The following LRRC7 variants were observed in gnomAD, a reference collection of about 807,000 sequenced individuals.
The protein encoded by LRRC7 is leucine rich repeat containing 7.
In LRRC7, 23 loss-of-function variants were observed where a neutral mutation model predicts 175.7. The ratio of observed to expected loss-of-function variants is 0.13; its 90% confidence interval spans 0.09 to 0.19. The LOEUF (loss-of-function observed/expected upper bound fraction) is 0.19. LRRC7 is among the 10% of genes least tolerant of loss of function. The pLI, the probability that LRRC7 is intolerant of heterozygous loss-of-function variation, is 1.00. For missense variants in LRRC7, 1,354 were observed against 1,904.7 expected, an observed-to-expected ratio of 0.71 and a Z score of 5.38; for synonymous variants, 685 against 680.9, an observed-to-expected ratio of 1.01 and a Z score of -0.09.
chr1:69,610,787 GA>G (rs1293864325), intron 1 of LRRC7, among the ~76,000 whole-genome samples: 3 of 151,394 alleles, frequency 2.0e-5, no homozygotes, highest in Non-Finnish European at 4.4e-5. Flanking sequence ...ACAAACATAA[GA>G]AAAAAATACT....
At chr1:69,670,325 C>G (rs1658892861) in intron 1 of LRRC7, among the ~76,000 whole-genome samples, 1 of 152,188 alleles carries the variant, frequency 6.6e-6, no homozygotes, top group South Asian at 2.1e-4. Flanking sequence ...TTCTTGCAAA[C>G]ATAGAGGTAC....
At chr1:69,650,456 C>CG (rs1451387978) in intron 1 of LRRC7, among the ~76,000 whole-genome samples, 1 of 146,302 alleles carries the variant, frequency 6.8e-6, no homozygotes, top group African/African-American at 2.6e-5. Context: ...TGGAGAATGG[C>CG]GTGAACCTGG....
intron 5 of LRRC7, 40 bp from the exon 6 acceptor site, chr1:69,834,740 C>A: frequency 7.0e-7 from 1 of 1,430,624 alleles, no homozygotes; most frequent in Non-Finnish European, 9.8e-7. Context: ...GTTTCTATAG[C>A]AACATCAATG....
At chr1:69,636,356 T>C (rs751537452) in intron 1 of LRRC7, among the ~76,000 whole-genome samples, 3 of 151,834 alleles carry the variant, frequency 2.0e-5, no homozygotes, top group Non-Finnish European at 4.4e-5. Context: ...TATATTCTCC[T>C]CACCAATAAA....
intron 2 of LRRC7, among the ~76,000 whole-genome samples, chr1:69,682,858 T>A (rs1660671497): frequency 6.6e-6 from 1 of 152,180 alleles, no homozygotes; most frequent in Non-Finnish European, 1.5e-5. Flanking sequence ...TGCTCAACTT[T>A]CTCTTTTCAG....
intron 26 of LRRC7, among the ~76,000 whole-genome samples, chr1:70,110,931 A>G (rs912844482): frequency 6.6e-6 from 1 of 151,962 alleles, no homozygotes; most frequent in Admixed American, 6.5e-5. Context: ...GAATGCTGGG[A>G]AAAAATGGGT....
chr1:70,023,718 T>C (rs577177409), intron 17 of LRRC7, among the ~76,000 whole-genome samples: 2 of 152,136 alleles, frequency 1.3e-5, no homozygotes, highest in South Asian at 4.1e-4. Context: ...TTCTAAATTG[T>C]CTCCTCCACA....
chr1:70,112,287 T>C (rs1035593439), intron 26 of LRRC7, among the ~76,000 whole-genome samples: 5 of 152,172 alleles, frequency 3.3e-5, no homozygotes, highest in Non-Finnish European at 7.3e-5. Context: ...TCAGAGCATC[T>C]TCTCTTGGCC....
At chr1:69,885,404 A>ACC (rs1687077622) in intron 7 of LRRC7, among the ~76,000 whole-genome samples, 1 of 145,492 alleles carries the variant, frequency 6.9e-6, no homozygotes, top group Admixed American at 6.8e-5. Context: ...TTATTTGCGT[A>ACC]GAGGTGTTTG....
chr1:69,687,299 G>A lies in LRRC7; in HGVS notation c.100+8821G>A, dbSNP rs549733723. Among the ~76,000 whole-genome samples the A allele has an allele frequency of 4.6e-5, 7 of 151,956 alleles. No homozygotes were observed. In the East Asian group the frequency reaches 7.8e-4, roughly 17 times the overall value. On this transcript the variant is annotated intron_variant, in intron 2 of 26. Transcript: ENST00000651989. Reference sequence around the variant, plus strand: ...TGAGGAGAGTGAATCACCAGAGGTCGGGAATTCGACACCAGTCTGGCCAAG... The same window carrying A: ...TGAGGAGAGTGAATCACCAGAGGTCAGGAATTCGACACCAGTCTGGCCAAG...
intron 8 of LRRC7, among the ~76,000 whole-genome samples, chr1:69,940,126 T>C (rs1648557428): frequency 6.6e-6 from 1 of 152,140 alleles, no homozygotes; most frequent in African/African-American, 2.4e-5. Context: ...TCAATTAAAA[T>C]GAACTTTCTG....
At chr1:69,722,564 A>G (rs1666478592) in intron 2 of LRRC7, among the ~76,000 whole-genome samples, 2 of 152,082 alleles carry the variant, frequency 1.3e-5, no homozygotes, top group African/African-American at 4.8e-5. Flanking sequence ...AAAAGCTGTG[A>G]TGGTTTACAT....
rs1390220478 is a variant in LRRC7, at chr1:69,922,263, G to A, written c.648-9244G>A. 2.0e-5 allele frequency among the ~76,000 whole-genome samples: 3 copies of A among 152,020 alleles called. No individual in the cohort carries two copies. The East Asian group carries it at 5.8e-4, about 29-fold the overall frequency. On this transcript the variant is annotated intron_variant, in intron 7 of 26. Coordinates refer to ENST00000651989, the MANE Select transcript of LRRC7 (RefSeq NM_001370785.2). ...TATTCCTGCTAACCTGCAGTTCCTT[G>A]AATGCACCATGATCTCTTCCATCCT...
intron 1 of LRRC7, among the ~76,000 whole-genome samples, chr1:69,574,060 A>T (rs1387722979): frequency 6.6e-6 from 1 of 152,168 alleles, no homozygotes; most frequent in Non-Finnish European, 1.5e-5. Flanking sequence ...TAGTATCATA[A>T]CAAATGGCTT....
chr1:69,625,358 AT>A (rs1050615781), intron 1 of LRRC7, among the ~76,000 whole-genome samples: 3 of 82,460 alleles, frequency 3.6e-5, no homozygotes, highest in African/African-American at 1.1e-4. Context: ...TACCTCCACT[AT>A]TTTTTTTTCT....
chr1:70,119,340 T>C (rs1011064084), intron 26 of LRRC7, among the ~76,000 whole-genome samples: 30 of 152,058 alleles, frequency 2.0e-4, no homozygotes, highest in African/African-American at 7.2e-4. Flanking sequence ...TCAGCATATA[T>C]GTACTGAGGG....
intron 25 of LRRC7, among the ~76,000 whole-genome samples, chr1:70,105,023 A>G (rs1407017284): frequency 2.0e-5 from 3 of 152,182 alleles, no homozygotes; most frequent in Non-Finnish European, 2.9e-5. Flanking sequence ...TGGGCAAAAG[A>G]GTCATTCTGC....
chr1:69,942,829 A>T (rs1236378675), intron 8 of LRRC7, among the ~76,000 whole-genome samples: 2 of 152,168 alleles, frequency 1.3e-5, no homozygotes, highest in African/African-American at 4.8e-5. Flanking sequence ...TCTTGGAATT[A>T]GGATGTGAAC....
At chr1:69,928,160 T>C (rs992780628) in intron 7 of LRRC7, among the ~76,000 whole-genome samples, 1 of 152,102 alleles carries the variant, frequency 6.6e-6, no homozygotes, top group South Asian at 2.1e-4. Flanking sequence ...ATCGTTCCTC[T>C]GGAAGTTTTG....
Sources: allele counts gnomAD v4.1 joint callset (sites outside exome capture counted in the v4.1 genomes callset), GRCh38; gene constraint gnomAD v4.1.1; transcripts MANE v1.5; gene names NCBI Gene and HGNC (gene_info 2026-07-23, HGNC 2026-07-21).